PRRX2: variants seen among roughly 807,000 people sequenced by gnomAD.
PRRX2 encodes paired related homeobox 2, also known as paired mesoderm homeobox protein 2.
In PRRX2, 11 loss-of-function variants were observed where a neutral mutation model predicts 18.0. That is an observed-to-expected ratio of 0.61 (90% CI 0.39 to 1.01). The LOEUF (loss-of-function observed/expected upper bound fraction) is 1.01, where lower values mean the gene tolerates loss of function less well. PRRX2 is among the 50% of genes least tolerant of loss of function. The pLI, the probability that PRRX2 is intolerant of heterozygous loss-of-function variation, is 0.01. For missense variants in PRRX2, 387 were observed against 351.0 expected (o/e 1.10, Z -0.82); for synonymous variants, 177 against 154.8 (o/e 1.14, Z -1.06).
rs892679984 is a variant in PRRX2 at position 129,722,485 on chromosome 9, C to T, written c.*133C>T. The T allele has an allele frequency of 5.5e-6, 6 of 1,089,892 alleles. No homozygotes were observed. In the East Asian group the frequency reaches 9.4e-5, roughly 17 times the overall value. The allele number at this position is 1,089,892 out of a possible 1,614,324, so 67.5% of individuals were successfully genotyped here. The stretch of plus-strand genomic sequence containing the variant: ...TGTCCAGCCTGGACTCCCGAGCCCA[C>T]GAGGCTGTTGAGGCCCCTGCAGCCG... On this transcript the variant is annotated 3_prime_UTR_variant, in exon 4 of 4. Transcript: ENST00000372469.
chr9:129,682,081 G>A (rs1832239340), intron 1 of PRRX2, among the ~76,000 whole-genome samples: 1 of 152,112 alleles, frequency 6.6e-6, no homozygotes, highest in South Asian at 2.1e-4. Flanking sequence ...TTGGCCAAAT[G>A]CCCGTGGCCT....
At chr9:129,673,040 G>A (rs1180101245) in intron 1 of PRRX2, among the ~76,000 whole-genome samples, 1 of 152,214 alleles carries the variant, frequency 6.6e-6, no homozygotes, top group African/African-American at 2.4e-5. Context: ...CTGAGAGGAA[G>A]TGGCATACAG....
chr9:129,674,959 C>A (rs534331212), intron 1 of PRRX2, among the ~76,000 whole-genome samples: 4 of 152,284 alleles, frequency 2.6e-5, no homozygotes, highest in African/African-American at 9.6e-5. Context: ...TAGGCCTATG[C>A]GTCTGCATTC....
intron 1 of PRRX2, among the ~76,000 whole-genome samples, chr9:129,681,412 C>T (rs1463172738): frequency 5.3e-5 from 8 of 152,018 alleles, no homozygotes; most frequent in Non-Finnish European, 1.2e-4. Context: ...CCCAGCTACT[C>T]GGGAGGCTGA....
rs1308702704 is a variant in PRRX2, at chr9:129,695,650, A to G, written c.260-23581A>G. 6.6e-6 allele frequency among the ~76,000 whole-genome samples: 1 copy of G among 152,126 alleles called. No homozygotes were observed. The highest frequency in any genetic ancestry group is 1.9e-4 in the East Asian group (1 of 5,188). On this transcript the variant is annotated intron_variant, in intron 1 of 3. Coordinates refer to ENST00000372469, the MANE Select transcript of PRRX2 (RefSeq NM_016307.4). The surrounding 1 kb of genome is among the most constrained non-coding windows in gnomAD (Gnocchi z 4.8). ...CTTCCTCCAGGCCCCCGCCACCCCA[A>G]ACCTTTAACAGGAGACTTGGCTGGG...
intron 1 of PRRX2, among the ~76,000 whole-genome samples, chr9:129,713,707 T>G (rs1832662499): frequency 1.3e-5 from 2 of 151,780 alleles, no homozygotes; most frequent in East Asian, 1.9e-4. Context: ...CTCAGCTCAC[T>G]GCAACCTCCG....
chr9:129,707,581 A>G (rs1279133139), intron 1 of PRRX2, among the ~76,000 whole-genome samples: 1 of 152,072 alleles, frequency 6.6e-6, no homozygotes, highest in African/African-American at 2.4e-5. Flanking sequence ...ACCTGAGGTC[A>G]GGAGTTCGAG....
At chr9:129,693,799 G>A (rs1212137253) in intron 1 of PRRX2, among the ~76,000 whole-genome samples, 4 of 152,174 alleles carry the variant, frequency 2.6e-5, no homozygotes, top group Non-Finnish European at 5.9e-5. Flanking sequence ...CCACATTGCT[G>A]CTTGTTTATT....
chr9:129,705,779 C>T (rs890901352), intron 1 of PRRX2, among the ~76,000 whole-genome samples: 12 of 152,148 alleles, frequency 7.9e-5, no homozygotes, highest in Non-Finnish European at 1.0e-4. Flanking sequence ...ACATTCTGTG[C>T]GAGAGCCACT....
intron 1 of PRRX2, among the ~76,000 whole-genome samples, chr9:129,707,451 G>T (rs1832570639): frequency 6.6e-6 from 1 of 151,990 alleles, no homozygotes; most frequent in Non-Finnish European, 1.5e-5. Context: ...TTCACCAGTT[G>T]AAGGACATGT....
intron 1 of PRRX2, among the ~76,000 whole-genome samples, chr9:129,689,406 G>A (rs1435275627): frequency 6.6e-6 from 1 of 152,042 alleles, no homozygotes; most frequent in African/African-American, 2.4e-5. Context: ...TGCTCCACGC[G>A]AGTTAGTGGC....
At chr9:129,672,712 A>G (rs559164620) in intron 1 of PRRX2, among the ~76,000 whole-genome samples, 1 of 152,100 alleles carries the variant, frequency 6.6e-6, no homozygotes, top group Non-Finnish European at 1.5e-5. Context: ...GGTGTTTGAC[A>G]TGGGAGTGTG....
intron 1 of PRRX2, among the ~76,000 whole-genome samples, chr9:129,668,778 CAAAAAAAAAAAAA>C (rs562855941): frequency 3.4e-5 from 2 of 58,670 alleles, no homozygotes; most frequent in African/African-American, 1.1e-4. Flanking sequence ...GACTCCATCT[CAAAAAAAAAAAAA>C]AAAAAAAGAA....
At chr9:129,697,594 G>C (rs1832443194) in intron 1 of PRRX2, among the ~76,000 whole-genome samples, 1 of 151,630 alleles carries the variant, frequency 6.6e-6, no homozygotes, top group Admixed American at 6.6e-5. Context: ...TGGCGCGCCG[G>C]CCCTGGCATC....
At chr9:129,678,783 G>A (rs553380332) in intron 1 of PRRX2, among the ~76,000 whole-genome samples, 30 of 152,238 alleles carry the variant, frequency 2.0e-4, no homozygotes, top group Admixed American at 2.0e-4. Flanking sequence ...CACTCACTCC[G>A]GCCCTCTCTG....
At chr9:129,706,597 G>A (rs1241257883) in intron 1 of PRRX2, among the ~76,000 whole-genome samples, 2 of 151,714 alleles carry the variant, frequency 1.3e-5, no homozygotes, top group Non-Finnish European at 2.9e-5. Flanking sequence ...GCATGGTGGC[G>A]CATGCCTGTA....
intron 1 of PRRX2, among the ~76,000 whole-genome samples, 160 bp downstream of exon 1, chr9:129,666,286 T>A (rs1832021608): frequency 6.6e-6 from 1 of 151,864 alleles, no homozygotes; most frequent in African/African-American, 2.4e-5. Context: ...GGACGGCGGT[T>A]GACCAGCACT....
intron 1 of PRRX2, among the ~76,000 whole-genome samples, chr9:129,692,012 C>T (rs1484449201): frequency 1.3e-5 from 2 of 150,842 alleles, no homozygotes; most frequent in Non-Finnish European, 3.0e-5. Flanking sequence ...GGTGTGATCT[C>T]GGCTCACTGC....
chr9:129,679,595 TC>T (rs1163976032), intron 1 of PRRX2, among the ~76,000 whole-genome samples: 2 of 152,178 alleles, frequency 1.3e-5, no homozygotes, highest in African/African-American at 4.8e-5. Context: ...TGTGATCTAT[TC>T]CCTACCCCTG....
Sources: allele counts gnomAD v4.1 joint callset (sites outside exome capture counted in the v4.1 genomes callset), GRCh38; gene constraint gnomAD v4.1.1; non-coding constraint Gnocchi (gnomAD v3.1); transcripts MANE v1.5; gene names NCBI Gene and HGNC (gene_info 2026-07-23, HGNC 2026-07-21).